Variants in KYNU observed in about 807,000 individuals in gnomAD.
KYNU encodes L-kynurenine hydrolase.
In KYNU, 54 loss-of-function variants were observed where a neutral mutation model predicts 59.2. That is an observed-to-expected ratio of 0.91 (90% CI 0.73 to 1.14). KYNU has a LOEUF of 1.14. Ranked by LOEUF, KYNU falls within the 50% of genes most tolerant of loss-of-function variation. The probability of loss-of-function intolerance (pLI) is 0.00; values close to 1 mark genes in which losing one functional copy is unlikely to be tolerated. For synonymous variants in KYNU, 177 were observed against 192.0 expected, an observed-to-expected ratio of 0.92 and a Z score of 0.65; for missense variants, 567 against 554.4, an observed-to-expected ratio of 1.02 and a Z score of -0.23.
chr2:143,004,453 G>A (rs1010391232), intron 10 of KYNU, among the ~76,000 whole-genome samples: 8 of 152,176 alleles, frequency 5.3e-5, no homozygotes, highest in East Asian at 1.9e-4. Context: ...GCTCACACCT[G>A]TATTCCCAGC....
intron 10 of KYNU, among the ~76,000 whole-genome samples, chr2:142,992,184 A>G (rs1025577583): frequency 6.6e-6 from 1 of 151,954 alleles, no homozygotes; most frequent in Non-Finnish European, 1.5e-5. Flanking sequence ...GCTAATGATA[A>G]TATGTCAGAG....
chr2:142,944,641 A>G (rs527410911), intron 4 of KYNU, among the ~76,000 whole-genome samples: 49 of 152,358 alleles, frequency 3.2e-4, no homozygotes, highest in African/African-American at 1.1e-3. Flanking sequence ...AGGAATGAAG[A>G]AAAACAACTT....
At chr2:142,920,741 T>C (rs916414412) in intron 3 of KYNU, among the ~76,000 whole-genome samples, 1 of 152,208 alleles carries the variant, frequency 6.6e-6, no homozygotes, top group Non-Finnish European at 1.5e-5. Context: ...TCTAAGCAAA[T>C]GGACATCTAT....
intron 12 of KYNU, among the ~76,000 whole-genome samples, chr2:143,034,494 T>C (rs1573919036): frequency 6.6e-6 from 1 of 152,314 alleles, no homozygotes; most frequent in Middle Eastern, 3.4e-3. Flanking sequence ...TTTTATTAAA[T>C]TTCACCACTG....
chr2:143,018,729 A>G (rs982100386), intron 10 of KYNU, among the ~76,000 whole-genome samples: 2 of 152,084 alleles, frequency 1.3e-5, no homozygotes, highest in African/African-American at 4.8e-5. Flanking sequence ...ATTGCTTTGA[A>G]CGGTATAGTC....
chr2:142,913,279 C>A (rs1179351928), intron 2 of KYNU, among the ~76,000 whole-genome samples: 1 of 152,110 alleles, frequency 6.6e-6, no homozygotes, highest in Non-Finnish European at 1.5e-5. Context: ...TGGTGTGTTA[C>A]TAAATTGGGA....
intron 2 of KYNU, among the ~76,000 whole-genome samples, chr2:142,900,071 T>C (rs1682023292): frequency 6.6e-6 from 1 of 152,192 alleles, no homozygotes; most frequent in African/African-American, 2.4e-5. Flanking sequence ...GTGAGTGTTA[T>C]AGCTCTATTA....
chr2:142,985,570 G>A (rs992178980), intron 9 of KYNU, among the ~76,000 whole-genome samples: 5 of 151,584 alleles, frequency 3.3e-5, no homozygotes, highest in Non-Finnish European at 5.9e-5. Flanking sequence ...AGTTGACAGG[G>A]AGCATGAAAA....
At chr2:143,017,931 G>A (rs1686304994) in intron 10 of KYNU, among the ~76,000 whole-genome samples, 1 of 150,408 alleles carries the variant, frequency 6.6e-6, no homozygotes, top group African/African-American at 2.4e-5. Context: ...TAGTTCAATT[G>A]CTTAAGTTCA....
rs1222618253 is a variant in KYNU, at chr2:142,912,743, T to C, written c.170-5866T>C. On this transcript the variant is annotated intron_variant, in intron 2 of 13. Coordinates refer to ENST00000264170, the MANE Select transcript of KYNU (RefSeq NM_003937.3). ...TTTTTTTTTTGAGATGGAGTCTTGC[T>C]CTGTCACCCAGGCTGGAGTGCAGTG... 1.4e-4 allele frequency among the ~76,000 whole-genome samples: 19 copies of C among 133,258 alleles called. No individual in the cohort carries two copies. The Admixed American group carries it at 1.4e-3, about 10-fold the overall frequency. 87.4% of individuals were successfully genotyped at this position (133,258 alleles called of 152,430 possible). A position where few individuals can be genotyped will look rare whatever the true frequency, so the allele number is the denominator to read the frequency against.
chr2:142,999,007 CAAAAAAAAAAAAA>C (rs59742828), intron 10 of KYNU, among the ~76,000 whole-genome samples: 895 of 63,494 alleles, frequency 0.014, 11 homozygotes, highest in Admixed American at 0.02. Context: ...GACTCCGTCT[CAAAAAAAAAAAAA>C]AAAAAAAAAA....
chr2:142,931,126 T>G (rs772586749), intron 4 of KYNU, among the ~76,000 whole-genome samples: 6 of 152,236 alleles, frequency 3.9e-5, no homozygotes, highest in Non-Finnish European at 5.9e-5. Context: ...TTCCTGCTTC[T>G]GATATCTTGC....
chr2:142,939,809 A>C (rs767662041), intron 4 of KYNU, among the ~76,000 whole-genome samples: 8 of 152,152 alleles, frequency 5.3e-5, no homozygotes, highest in Non-Finnish European at 1.2e-4. Flanking sequence ...GTAAGAAACC[A>C]GAAAGTAGTA....
rs73964470 is a variant in KYNU at position 142,970,921 on chromosome 2, T to A, written c.729+10151T>A. ...CTTCCTTTTTAGCTTTCCCTCCACC[T>A]ACATATTCCCACAAGTGAAGATTCT... On this transcript the variant is annotated intron_variant, in intron 8 of 13. Transcript: ENST00000264170. 3.2e-3 allele frequency among the ~76,000 whole-genome samples: 484 copies of A among 152,298 alleles called. 3 individuals carry two copies. Among genetic ancestry groups the A allele is most frequent in the African/African-American group, 0.011 (457 of 41,574 alleles).
intron 8 of KYNU, among the ~76,000 whole-genome samples, chr2:142,977,372 G>GATATATAT (rs70997538): frequency 6.6e-4 from 86 of 131,206 alleles, no homozygotes; most frequent in African/African-American, 2.1e-3. Context: ...ATTTTGTGTG[G>GATATATAT]ATATATATAT....
In KYNU at chr2:143,046,172, G is replaced by A. The variant is rs868070997; in HGVS notation, c.*4000G>A. The A allele has an allele frequency of 1.3e-5, 2 of 151,956 alleles. No homozygotes were observed. Among genetic ancestry groups the A allele is most frequent in the South Asian group, 2.1e-4 (1 of 4,824 alleles). The allele number at this position is 151,956 out of a possible 1,614,324, so 9.4% of individuals were successfully genotyped here. A position where few individuals can be genotyped will look rare whatever the true frequency, so the allele number is the denominator to read the frequency against. Reference sequence around the variant, plus strand: ...CTCCCCAAATCCACAGATAACCATCGAATTATATTTTGTTTTCTTCATTCC... The same window carrying A: ...CTCCCCAAATCCACAGATAACCATCAAATTATATTTTGTTTTCTTCATTCC... On this transcript the variant is annotated 3_prime_UTR_variant, in exon 14 of 14. Transcript: ENST00000264170.
chr2:142,959,601 A>G (rs980374278), intron 7 of KYNU, among the ~76,000 whole-genome samples: 1 of 152,060 alleles, frequency 6.6e-6, no homozygotes, highest in African/African-American at 2.4e-5. Flanking sequence ...AAAAAAAAAA[A>G]TTATGAAAAC....
At chr2:142,954,976 A>C in intron 5 of KYNU, 105 bp downstream of exon 5, 1 of 745,416 alleles carries the variant, frequency 1.3e-6, no homozygotes, top group South Asian at 1.6e-5. Context: ...ATTTAAAAAT[A>C]AATTGTGAGG....
rs935205232 is a variant in KYNU at position 143,021,737 on chromosome 2, G to A, written c.903-7890G>A. 3.9e-5 allele frequency among the ~76,000 whole-genome samples: 6 copies of A among 152,072 alleles called. No homozygotes were observed. The South Asian group carries it at 1.2e-3, about 32-fold the overall frequency. On this transcript the variant is annotated intron_variant, in intron 10 of 13. Transcript: ENST00000264170. Reference sequence around the variant, plus strand: ...TATTCATGAGAAATCCATCCCCATGGTCCAATCAACTTCCACCAGGCCCCA... The same window carrying A: ...TATTCATGAGAAATCCATCCCCATGATCCAATCAACTTCCACCAGGCCCCA...
Sources: allele counts gnomAD v4.1 joint callset (sites outside exome capture counted in the v4.1 genomes callset), GRCh38; gene constraint gnomAD v4.1.1; transcripts MANE v1.5; gene names NCBI Gene and HGNC (gene_info 2026-07-23, HGNC 2026-07-21).